The following FGD4 variants were observed in gnomAD, a reference collection of about 807,000 sequenced individuals.
FGD4 encodes FYVE, RhoGEF and PH domain containing 4, also known as FYVE, RhoGEF and PH domain-containing protein 4.
Under a neutral mutation model 102.0 loss-of-function variants are expected in FGD4, and 42 were observed. The ratio of observed to expected loss-of-function variants is 0.41; its 90% CI spans 0.32 to 0.53. The LOEUF (loss-of-function observed/expected upper bound fraction) is 0.53, where lower values mean the gene tolerates loss of function less well. FGD4 is among the 20% of genes least tolerant of loss of function. The pLI is 0.21. For missense variants in FGD4, 902 were observed against 1,078.2 expected (o/e 0.84, Z 2.29); for synonymous variants, 380 against 375.7 (o/e 1.01, Z -0.13).
intron 1 of FGD4, among the ~76,000 whole-genome samples, chr12:32,436,203 A>G (rs527919748): frequency 6.6e-6 from 1 of 152,326 alleles, no homozygotes; most frequent in South Asian, 2.1e-4. Flanking sequence ...TATGACTGGA[A>G]GTGGAAGGAG....
chr12:32,498,114 G>A (rs921011495), intron 1 of FGD4, among the ~76,000 whole-genome samples: 2 of 152,172 alleles, frequency 1.3e-5, no homozygotes, highest in African/African-American at 2.4e-5. Context: ...TATAATTAGG[G>A]AGTTGTCGTT....
At chr12:32,609,054 G>T (rs1432119750) in intron 8 of FGD4, among the ~76,000 whole-genome samples, 1 of 152,058 alleles carries the variant, frequency 6.6e-6, no homozygotes, top group Admixed American at 6.5e-5. Flanking sequence ...AGTAGAGACG[G>T]GTTTTCACCA....
At chr12:32,620,769 C>G (rs112257408) in intron 11 of FGD4, among the ~76,000 whole-genome samples, 21,472 of 146,128 alleles carry the variant, frequency 0.15, 1,786 homozygotes, top group Middle Eastern at 0.25. Flanking sequence ...CTGATCTCGG[C>G]TCACTGCAAG....
chr12:32,518,120 A>G (rs1025612176), intron 1 of FGD4, among the ~76,000 whole-genome samples: 2 of 152,170 alleles, frequency 1.3e-5, no homozygotes, highest in Admixed American at 6.5e-5. Context: ...CATGTACAAG[A>G]TTCTTGTGAA....
chr12:32,552,434 A>ATTTT (rs66646521), intron 1 of FGD4, among the ~76,000 whole-genome samples: 112 of 120,962 alleles, frequency 9.3e-4, no homozygotes, highest in East Asian at 1.7e-3. Flanking sequence ...TAATTTTTGC[A>ATTTT]TTTTTTTTTT....
chr12:32,637,207 A>T (rs146904505), intron 15 of FGD4, among the ~76,000 whole-genome samples: 2 of 151,660 alleles, frequency 1.3e-5, no homozygotes, highest in East Asian at 3.9e-4. Flanking sequence ...AACAATTTTT[A>T]TATTAGGAGG....
chr12:32,424,549 A>G (rs1282399911), intron 1 of FGD4, among the ~76,000 whole-genome samples: 1 of 152,122 alleles, frequency 6.6e-6, no homozygotes, highest in Non-Finnish European at 1.5e-5. Flanking sequence ...ATGTGTCTTT[A>G]TAGTGGAATG....
chr12:32,570,024 C>T (rs1319338714), intron 2 of FGD4, among the ~76,000 whole-genome samples: 6 of 151,862 alleles, frequency 4.0e-5, no homozygotes, highest in African/African-American at 9.7e-5. Context: ...GGGCGGATCA[C>T]GAGGTCAGGA....
intron 5 of FGD4, chr12:32,600,372 T>C: frequency 1.0e-6 from 1 of 984,134 alleles, no homozygotes; most frequent in Non-Finnish European, 1.4e-6. Context: ...TATTGGAGCC[T>C]CTAAGGACAT....
intron 2 of FGD4, among the ~76,000 whole-genome samples, chr12:32,564,892 T>C (rs1472400732): frequency 6.6e-6 from 1 of 152,224 alleles, no homozygotes; most frequent in Non-Finnish European, 1.5e-5. Flanking sequence ...GTGAACTGGG[T>C]ATTAACTTTG....
chr12:32,566,618 T>G (rs1265954375), intron 2 of FGD4, among the ~76,000 whole-genome samples: 2 of 152,174 alleles, frequency 1.3e-5, no homozygotes, highest in Admixed American at 1.3e-4. Flanking sequence ...AGGCTACATC[T>G]TAGTATTGTC....
At chr12:32,435,284 G>T (rs1444677983) in intron 1 of FGD4, among the ~76,000 whole-genome samples, 1 of 150,490 alleles carries the variant, frequency 6.6e-6, no homozygotes, top group Non-Finnish European at 1.5e-5. Context: ...CTAGTTGAGA[G>T]ATCTAGCTCA....
intron 1 of FGD4, among the ~76,000 whole-genome samples, chr12:32,475,046 A>C (rs1229840018): frequency 6.6e-6 from 1 of 152,236 alleles, no homozygotes; most frequent in Non-Finnish European, 1.5e-5. Flanking sequence ...TGGGAGGCAC[A>C]TGACCTTCAC....
At chr12:32,494,046 G>A (rs965826405) in intron 1 of FGD4, among the ~76,000 whole-genome samples, 6 of 152,086 alleles carry the variant, frequency 3.9e-5, no homozygotes, top group Non-Finnish European at 7.4e-5. Flanking sequence ...GTCAAACTTC[G>A]TCAGGGAAGT....
At chr12:32,616,795 T>C (rs897441215) in intron 10 of FGD4, among the ~76,000 whole-genome samples, 2 of 152,240 alleles carry the variant, frequency 1.3e-5, no homozygotes, top group Admixed American at 1.3e-4. Flanking sequence ...TTTATGTTAA[T>C]GTAGGATGCT....
At chr12:32,481,057 T>C (rs1170082344) in intron 1 of FGD4, among the ~76,000 whole-genome samples, 2 of 133,310 alleles carry the variant, frequency 1.5e-5, no homozygotes, top group East Asian at 4.6e-4. Context: ...GCTCAAGCAA[T>C]CCCCGGCTTG....
intron 15 of FGD4, 92 bp from the exon 16 acceptor site, chr12:32,638,546 TTTTTGGATAGTCCAGGG>T (rs1950979544): frequency 7.0e-7 from 1 of 1,424,436 alleles, no homozygotes; most frequent in East Asian, 2.3e-5. Context: ...AAATGAATCT[TTTTTGGATAGTCCAGGG>T]AAACATTTTG....
At chr12:32,624,899 T>G in intron 12 of FGD4, 77 bp from the exon 13 acceptor site, 1 of 1,207,914 alleles carries the variant, frequency 8.3e-7, no homozygotes. Flanking sequence ...CTATCATAGA[T>G]ATTTGTTTGA....
rs1214608761 is a variant in FGD4, at chr12:32,399,964, G to C, written c.166+5G>C. ...AGGTGCCCTCAGGAGCCACAGGTAAGCGCCTCGGGGCGCGGGGGAAGGGTG... is the reference window on the plus strand; with the variant it reads ...AGGTGCCCTCAGGAGCCACAGGTAACCGCCTCGGGGCGCGGGGGAAGGGTG... On this transcript the variant is annotated splice_donor_5th_base_variant and intron_variant, in intron 1 of 16. Transcript: ENST00000534526. 1.4e-6 allele frequency: 2 copies of C among 1,454,454 alleles called. No homozygotes were observed. The highest frequency in any genetic ancestry group is 5.0e-5 in the Admixed American group (2 of 39,630). 90.1% of individuals were successfully genotyped at this position (1,454,454 alleles called of 1,614,324 possible). A position where few individuals can be genotyped will look rare whatever the true frequency, so the allele number is the denominator to read the frequency against.
Sources: gnomAD v4.1 joint callset for allele counts (sites outside exome capture counted in the v4.1 genomes callset) on GRCh38, gnomAD v4.1.1 for gene constraint, MANE v1.5 for transcripts, NCBI Gene and HGNC (gene_info 2026-07-23, HGNC 2026-07-21) for gene names.